Variants in ZNF277 observed in about 807,000 individuals in gnomAD.
ZNF277 encodes the protein nuclear receptor-interacting factor 4.
A neutral mutation model predicts 60.7 loss-of-function variants in ZNF277; 55 were observed. The ratio of observed to expected loss-of-function variants is 0.91; its 90% CI spans 0.73 to 1.13. The LOEUF (loss-of-function observed/expected upper bound fraction) is 1.13. Among genes scored for constraint, ZNF277 ranks in the 50% most tolerant of loss-of-function variants. ZNF277 has a pLI of 0.00. For missense variants in ZNF277, 510 were observed against 523.0 expected (o/e 0.98, Z 0.24); for synonymous variants, 178 against 179.3 (o/e 0.99, Z 0.06).
chr7:112,297,932 T>C (rs564641603), intron 4 of ZNF277, among the ~76,000 whole-genome samples: 2 of 152,308 alleles, frequency 1.3e-5, no homozygotes, highest in South Asian at 4.1e-4. Context: ...CTCAGGTCTC[T>C]AAAAATACCT....
intron 1 of ZNF277, among the ~76,000 whole-genome samples, chr7:112,256,803 G>C (rs1386533544): frequency 6.6e-6 from 1 of 152,024 alleles, no homozygotes; most frequent in Admixed American, 6.6e-5. Context: ...ATGCTTGAGA[G>C]GTTTAGTACC....
At chr7:112,303,509 C>T (rs1399490261) in intron 4 of ZNF277, among the ~76,000 whole-genome samples, 1 of 151,958 alleles carries the variant, frequency 6.6e-6, no homozygotes, top group Non-Finnish European at 1.5e-5. Context: ...GGCTGGTAAT[C>T]CTATACCGAG....
chr7:112,312,758 G>C (rs1430952900), intron 4 of ZNF277, among the ~76,000 whole-genome samples: 1 of 152,010 alleles, frequency 6.6e-6, no homozygotes, highest in Non-Finnish European at 1.5e-5. Flanking sequence ...GAGTAGCAAA[G>C]TTTAGGGATA....
At chr7:112,277,947 C>T (rs867052208) in intron 1 of ZNF277, among the ~76,000 whole-genome samples, 2 of 152,132 alleles carry the variant, frequency 1.3e-5, no homozygotes, top group African/African-American at 4.8e-5. Flanking sequence ...TTCAGGACTG[C>T]CATAGGATCA....
At chr7:112,303,955 A>T (rs955189612) in intron 4 of ZNF277, among the ~76,000 whole-genome samples, 1 of 152,092 alleles carries the variant, frequency 6.6e-6, no homozygotes, top group Admixed American at 6.5e-5. Flanking sequence ...GGAGGTACTG[A>T]TATCTTTCAA....
chr7:112,281,476 A>G (rs557056924), intron 1 of ZNF277, among the ~76,000 whole-genome samples: 1 of 152,330 alleles, frequency 6.6e-6, no homozygotes, highest in Non-Finnish European at 1.5e-5. Flanking sequence ...TAATTTAAAA[A>G]TTTCTAATTT....
Position 112,320,542 on chromosome 7 carries a change from G to A in ZNF277, c.557+2269G>A, listed in dbSNP as rs781174775. On this transcript the variant is annotated intron_variant, in intron 5 of 11. Transcript: ENST00000361822. ...TTTGTGTATGCATTGGGACATAAAT[G>A]TAGAAAGAAGGAGATGGATAACAGA... Among the ~76,000 whole-genome samples the A allele has an allele frequency of 8.7e-4, 132 of 152,196 alleles. 4 individuals carry two copies. Among genetic ancestry groups the A allele is most frequent in the Non-Finnish European group, 2.2e-4 (15 of 67,994 alleles).
At chr7:112,293,072 A>G (rs1422535564) in intron 2 of ZNF277, among the ~76,000 whole-genome samples, 2 of 152,220 alleles carry the variant, frequency 1.3e-5, no homozygotes, top group African/African-American at 4.8e-5. Flanking sequence ...GCACATGAAT[A>G]AACTGAGTTT....
chr7:112,257,201 T>C (rs963670304), intron 1 of ZNF277, among the ~76,000 whole-genome samples: 3 of 152,214 alleles, frequency 2.0e-5, no homozygotes, highest in Non-Finnish European at 2.9e-5. Flanking sequence ...ATATTTTTGG[T>C]TTTTGTTTCC....
intron 1 of ZNF277, among the ~76,000 whole-genome samples, chr7:112,269,050 T>G (rs528390087): frequency 6.6e-6 from 1 of 152,170 alleles, no homozygotes; most frequent in Non-Finnish European, 1.5e-5. Flanking sequence ...AATACCTGAC[T>G]GATACACCTT....
intron 11 of ZNF277, 82 bp downstream of exon 11, chr7:112,341,128 GA>G (rs11463201): frequency 1.2e-5 from 15 of 1,239,848 alleles, no homozygotes; most frequent in Middle Eastern, 2.0e-4. Flanking sequence ...TAAGCCTACA[GA>G]AAAAAAAGGA....
At chr7:112,333,152 TAA>T (rs80295805) in intron 7 of ZNF277, among the ~76,000 whole-genome samples, 1 of 145,598 alleles carries the variant, frequency 6.9e-6, no homozygotes, top group Non-Finnish European at 1.5e-5. Flanking sequence ...ATACTTTATT[TAA>T]AAAAAAAAAA....
At chr7:112,326,077 C>A (rs1793087165) in intron 5 of ZNF277, among the ~76,000 whole-genome samples, 1 of 152,152 alleles carries the variant, frequency 6.6e-6, no homozygotes, top group African/African-American at 2.4e-5. Context: ...CCGGATTCAG[C>A]TCCCCTGAGT....
intron 1 of ZNF277, among the ~76,000 whole-genome samples, chr7:112,259,019 C>A (rs1239074694): frequency 2.0e-5 from 3 of 152,100 alleles, no homozygotes; most frequent in Admixed American, 2.0e-4. Context: ...ACCCATGTCA[C>A]TTTGCAATTG....
At chr7:112,290,926 A>C (rs2117068515) in intron 2 of ZNF277, among the ~76,000 whole-genome samples, 1 of 152,312 alleles carries the variant, frequency 6.6e-6, no homozygotes, top group Non-Finnish European at 1.5e-5. Context: ...TTCACTCAGA[A>C]CTCAAGAGGA....
At chr7:112,324,422 T>A (rs775881769) in intron 5 of ZNF277, among the ~76,000 whole-genome samples, 1 of 152,168 alleles carries the variant, frequency 6.6e-6, no homozygotes, top group Non-Finnish European at 1.5e-5. Flanking sequence ...TAATTTCCCA[T>A]AAATTAAAGC....
At chr7:112,250,068 G>GGA (rs1224637299) in intron 1 of ZNF277, among the ~76,000 whole-genome samples, 1 of 152,154 alleles carries the variant, frequency 6.6e-6, no homozygotes, top group Non-Finnish European at 1.5e-5. Flanking sequence ...AAAGCAAATG[G>GGA]GAGAAATATC....
chr7:112,316,262 A>C (rs2117108381), intron 4 of ZNF277, among the ~76,000 whole-genome samples: 1 of 152,212 alleles, frequency 6.6e-6, no homozygotes, highest in East Asian at 1.9e-4. Context: ...GAACACTGGA[A>C]AAATTGTCTT....
intron 1 of ZNF277, among the ~76,000 whole-genome samples, chr7:112,261,427 A>G (rs1791436758): frequency 6.6e-6 from 1 of 152,128 alleles, no homozygotes; most frequent in Non-Finnish European, 1.5e-5. Flanking sequence ...AGCTCTATCT[A>G]CTTTCTGATT....
Sources: gnomAD v4.1 joint callset for allele counts (sites outside exome capture counted in the v4.1 genomes callset) on GRCh38, gnomAD v4.1.1 for gene constraint, MANE v1.5 for transcripts, NCBI Gene and HGNC (gene_info 2026-07-23, HGNC 2026-07-21) for gene names.